The following TPRG1 variants were observed in gnomAD, a reference collection of about 807,000 sequenced individuals.
The protein encoded by TPRG1 is tumor protein p63 regulated 1.
A neutral mutation model predicts 29.3 loss-of-function variants in TPRG1; 29 were observed. The ratio of observed to expected loss-of-function variants is 0.99; its 90% CI spans 0.74 to 1.35. The LOEUF (loss-of-function observed/expected upper bound fraction) is 1.35, where lower values mean the gene tolerates loss of function less well. TPRG1 is among the 40% of genes most tolerant of loss of function. The pLI is 0.00. For missense variants in TPRG1, 327 were observed against 335.0 expected, an observed-to-expected ratio of 0.98 and a Z score of 0.19; for synonymous variants, 130 against 116.8, an observed-to-expected ratio of 1.11 and a Z score of -0.73.
At chr3:189,101,437 T>C (rs1489957341) in intron 1 of TPRG1, among the ~76,000 whole-genome samples, 1 of 152,090 alleles carries the variant, frequency 6.6e-6, no homozygotes, top group Non-Finnish European at 1.5e-5. Context: ...GGCGACACCA[T>C]CCAAGTCCTC....
intron 4 of TPRG1, among the ~76,000 whole-genome samples, chr3:189,285,543 A>G (rs1275000757): frequency 6.6e-6 from 1 of 152,246 alleles, no homozygotes. Flanking sequence ...ACCTTTCCAG[A>G]TTATTAGACT....
At chr3:189,088,634 T>C (rs1369136755) in intron 4 of TPRG1, among the ~76,000 whole-genome samples, 1 of 152,206 alleles carries the variant, frequency 6.6e-6, no homozygotes, top group Non-Finnish European at 1.5e-5. Flanking sequence ...TAATTAAACT[T>C]ATAATAAATC....
chr3:189,082,317 C>A (rs1268292983), intron 4 of TPRG1, among the ~76,000 whole-genome samples: 1 of 152,190 alleles, frequency 6.6e-6, no homozygotes, highest in African/African-American at 2.4e-5. Context: ...CCTTACATGA[C>A]CCTTGGGAAG....
At chr3:189,068,002 G>C (rs1332627483) in intron 4 of TPRG1, among the ~76,000 whole-genome samples, 1 of 152,080 alleles carries the variant, frequency 6.6e-6, no homozygotes, top group Non-Finnish European at 1.5e-5. Flanking sequence ...TTAGAAAATG[G>C]ACAAAAGATC....
chr3:189,240,610 C>G (rs996886698), intron 4 of TPRG1: 5 of 152,266 alleles, frequency 3.3e-5, no homozygotes, highest in African/African-American at 1.2e-4. Flanking sequence ...TTAAAACCAT[C>G]AGACCTAATG....
At chr3:189,157,275 TCTC>T (rs1726818747) in intron 5 of TPRG1, among the ~76,000 whole-genome samples, 2 of 152,302 alleles carry the variant, frequency 1.3e-5, no homozygotes, top group African/African-American at 2.4e-5. Context: ...CTGACCTACT[TCTC>T]CTGCCTTCTT....
chr3:189,256,992 T>G (rs1712021084), intron 4 of TPRG1, among the ~76,000 whole-genome samples: 1 of 152,206 alleles, frequency 6.6e-6, no homozygotes, highest in Non-Finnish European at 1.5e-5. Flanking sequence ...TTGGAGAATT[T>G]AGACTTTTTA....
At chr3:189,077,342 A>G (rs1717245746) in intron 4 of TPRG1, among the ~76,000 whole-genome samples, 1 of 152,186 alleles carries the variant, frequency 6.6e-6, no homozygotes, top group Non-Finnish European at 1.5e-5. Flanking sequence ...ATGAAGCCAG[A>G]TTCAACAAAA....
At chr3:189,138,769 G>T (rs969442625) in intron 3 of TPRG1, among the ~76,000 whole-genome samples, 2 of 152,178 alleles carry the variant, frequency 1.3e-5, no homozygotes, top group African/African-American at 4.8e-5. Context: ...TCACAGCTTT[G>T]TGTCTGGAGA....
At chr3:189,184,563 G>A (rs73889105) in intron 1 of TPRG1, among the ~76,000 whole-genome samples, 17,804 of 152,058 alleles carry the variant, frequency 0.12, 1,280 homozygotes, top group African/African-American at 0.19. Context: ...TCTTATGTGT[G>A]GTCTACAACA....
intron 3 of TPRG1, among the ~76,000 whole-genome samples, chr3:189,006,033 A>G (rs758803173): frequency 5.1e-4 from 77 of 152,060 alleles, no homozygotes; most frequent in Admixed American, 2.1e-3. Flanking sequence ...AACACTAATT[A>G]TATAATTCCT....
At chr3:189,008,356 T>C (rs920044818) in intron 3 of TPRG1, among the ~76,000 whole-genome samples, 2 of 152,186 alleles carry the variant, frequency 1.3e-5, no homozygotes, top group Non-Finnish European at 2.9e-5. Context: ...TTTAAAACTC[T>C]TCATGCACAG....
At chr3:189,318,952 A>G (rs1300078817) in intron 5 of TPRG1, among the ~76,000 whole-genome samples, 3 of 152,178 alleles carry the variant, frequency 2.0e-5, no homozygotes, top group Non-Finnish European at 2.9e-5. Context: ...TAAAGAGAGG[A>G]CTTCAGGAGT....
chr3:189,203,184 A>G (rs1733772987), intron 1 of TPRG1, among the ~76,000 whole-genome samples: 1 of 152,222 alleles, frequency 6.6e-6, no homozygotes, highest in South Asian at 2.1e-4. Context: ...TTATAAATGG[A>G]AGCAGTTATA....
intron 1 of TPRG1, among the ~76,000 whole-genome samples, chr3:189,123,958 G>A (rs1722129673): frequency 6.6e-6 from 1 of 152,222 alleles, no homozygotes; most frequent in African/African-American, 2.4e-5. Context: ...CCAATTAGAG[G>A]TGGTACTGCT....
At chr3:189,168,802 A>T (rs1330644162), upstream of TPRG1, among the ~76,000 whole-genome samples, 1 of 152,196 alleles carries the variant, frequency 6.6e-6, no homozygotes, top group Non-Finnish European at 1.5e-5. Context: ...GGATTCTTGT[A>T]GACAGTACCT....
At chr3:189,137,093 A>G (rs1315197142) in intron 3 of TPRG1, among the ~76,000 whole-genome samples, 1 of 152,134 alleles carries the variant, frequency 6.6e-6, no homozygotes, top group Admixed American at 6.6e-5. Context: ...TAGAGCTAGG[A>G]CTCAAACCTG....
chr3:189,291,536 A>G (rs1287406493), intron 4 of TPRG1, among the ~76,000 whole-genome samples: 1 of 152,140 alleles, frequency 6.6e-6, no homozygotes, highest in Non-Finnish European at 1.5e-5. Flanking sequence ...GTTACTATTT[A>G]TGTGTCACAC....
chr3:189,287,784 T>A (rs1718321169), intron 4 of TPRG1, among the ~76,000 whole-genome samples: 1 of 152,262 alleles, frequency 6.6e-6, no homozygotes, highest in East Asian at 1.9e-4. Flanking sequence ...GCATTTTCAA[T>A]AAAAAGGCCA....
Sources: allele counts gnomAD v4.1 joint callset (sites outside exome capture counted in the v4.1 genomes callset), GRCh38; gene constraint gnomAD v4.1.1; transcripts MANE v1.5; gene names NCBI Gene and HGNC (gene_info 2026-07-23, HGNC 2026-07-21).